The following EPB41 variants were observed in gnomAD, a reference collection of about 807,000 sequenced individuals.
The protein encoded by EPB41 is erythrocyte membrane protein band 4.1.
Under a neutral mutation model 108.0 loss-of-function variants are expected in EPB41, and 65 were observed. The observed-to-expected ratio is 0.60, with a 90% CI of 0.49 to 0.74. The LOEUF is 0.74. Ranked by LOEUF, EPB41 falls within the 30% of genes least tolerant of loss-of-function variation. The pLI is 0.00. For missense variants in EPB41, 875 were observed against 1,037.0 expected (o/e 0.84, Z 2.15); for synonymous variants, 336 against 358.9 (o/e 0.94, Z 0.72).
chr1:28,908,239 G>A (rs1227202990), intron 1 of EPB41, among the ~76,000 whole-genome samples: 2 of 151,180 alleles, frequency 1.3e-5, no homozygotes, highest in African/African-American at 4.8e-5. Flanking sequence ...CCGTCTCTAC[G>A]AAACACATGA....
At chr1:28,902,683 G>A (rs1223265509) in intron 1 of EPB41, among the ~76,000 whole-genome samples, 2 of 152,230 alleles carry the variant, frequency 1.3e-5, no homozygotes, top group Admixed American at 1.3e-4. Flanking sequence ...ACACCTTCAG[G>A]GGAGCTAGGT....
At chr1:28,892,558 C>T (rs2090235840) in intron 1 of EPB41, among the ~76,000 whole-genome samples, 2 of 151,970 alleles carry the variant, frequency 1.3e-5, no homozygotes, top group South Asian at 2.1e-4. Context: ...CCCATCTCTA[C>T]TAAAAATACA....
intron 7 of EPB41, among the ~76,000 whole-genome samples, chr1:29,023,102 C>G (rs775090875): frequency 4.0e-5 from 6 of 151,650 alleles, no homozygotes; most frequent in Non-Finnish European, 8.8e-5. Flanking sequence ...TCAAGTGATT[C>G]TCGTGCCTCA....
chr1:29,108,336 TG>T (rs1249730119), intron 17 of EPB41, among the ~76,000 whole-genome samples: 2 of 149,052 alleles, frequency 1.3e-5, no homozygotes, highest in African/African-American at 4.9e-5. Context: ...TTAGTAGAGA[TG>T]GGGTTTCTCC....
intron 2 of EPB41, chr1:28,989,425 TC>T: frequency 1.0e-6 from 1 of 977,384 alleles, no homozygotes; most frequent in Non-Finnish European, 1.2e-6. Context: ...ATTATCTGCA[TC>T]GTTAAAAGTG....
intron 1 of EPB41, among the ~76,000 whole-genome samples, chr1:28,924,965 T>A (rs12403176): frequency 0.14 from 18,116 of 134,068 alleles, 1,313 homozygotes; most frequent in East Asian, 0.38. Context: ...CCTGGCTAAC[T>A]TTTTTTTTTT....
intron 1 of EPB41, among the ~76,000 whole-genome samples, chr1:28,904,596 C>A (rs1247721158): frequency 6.6e-6 from 1 of 152,056 alleles, no homozygotes; most frequent in Non-Finnish European, 1.5e-5. Flanking sequence ...TATTAGTGCC[C>A]TTATAAGAAG....
chr1:28,937,682 C>G (rs1403089178), intron 1 of EPB41, among the ~76,000 whole-genome samples: 1 of 152,140 alleles, frequency 6.6e-6, no homozygotes, highest in African/African-American at 2.4e-5. Context: ...CGTGAGCCAC[C>G]GCGCCTGGCC....
intron 7 of EPB41, among the ~76,000 whole-genome samples, chr1:29,021,692 C>A (rs1572598555): frequency 2.0e-5 from 3 of 151,890 alleles, no homozygotes; most frequent in Admixed American, 1.3e-4. Context: ...ACATCATTCT[C>A]CTGCCTCGGC....
At chr1:28,986,954 TG>T (rs2095880861) in intron 1 of EPB41, among the ~76,000 whole-genome samples, 1 of 152,138 alleles carries the variant, frequency 6.6e-6, no homozygotes, top group South Asian at 2.1e-4. Flanking sequence ...TCCTAAGAAA[TG>T]TAAAGAAAAA....
rs1284291681 is a variant in EPB41 at position 28,887,564 on chromosome 1, C to T, written c.-8+354C>T. The T allele has an allele frequency of 1.0e-6, 1 of 985,154 alleles. No homozygotes were observed. The highest frequency in any genetic ancestry group is 1.7e-5 in the African/African-American group (1 of 57,210). 61.0% of individuals were successfully genotyped at this position (985,154 alleles called of 1,614,324 possible). On this transcript the variant is annotated intron_variant, in intron 1 of 16. Transcript: ENST00000347529. The surrounding 1 kb of genome is among the most constrained non-coding windows in gnomAD (Gnocchi z 4.9). ...AGTCCCTGCAGGTCGGCGCAGCCCC[C>T]GGCCGCCCCCTAGCCCCGCCTTGCC... is the stretch of plus-strand genomic sequence containing the variant.
At chr1:28,955,150 T>A (rs896610125) in intron 1 of EPB41, among the ~76,000 whole-genome samples, 2 of 152,338 alleles carry the variant, frequency 1.3e-5, no homozygotes, top group Middle Eastern at 3.4e-3. Flanking sequence ...TTACTAGCGT[T>A]ACCACTTGCT....
intron 4 of EPB41, among the ~76,000 whole-genome samples, chr1:29,007,570 T>C (rs1428541412): frequency 6.6e-6 from 1 of 152,204 alleles, no homozygotes; most frequent in Non-Finnish European, 1.5e-5. Flanking sequence ...GCATTTTGAT[T>C]TCTGCCCTTA....
chr1:29,081,313 A>G (rs1656513714), intron 16 of EPB41, among the ~76,000 whole-genome samples: 1 of 152,172 alleles, frequency 6.6e-6, no homozygotes, highest in South Asian at 2.1e-4. Flanking sequence ...TGGGCTTTTT[A>G]AAAGCACTGT....
At chr1:28,960,705 G>A (rs2095173746) in intron 1 of EPB41, among the ~76,000 whole-genome samples, 1 of 151,642 alleles carries the variant, frequency 6.6e-6, no homozygotes, top group African/African-American at 2.4e-5. Flanking sequence ...ACTCCAGCCT[G>A]GGCGACAGAG....
chr1:28,891,107 A>C, intron 1 of EPB41: 1 of 536,232 alleles, frequency 1.9e-6, no homozygotes, highest in South Asian at 8.0e-5. Context: ...GCTACTGCCC[A>C]GGTGCAAGAC....
At chr1:28,976,685 C>T (rs1046795521) in intron 1 of EPB41, among the ~76,000 whole-genome samples, 4 of 140,466 alleles carry the variant, frequency 2.8e-5, no homozygotes, top group South Asian at 4.9e-4. Context: ...CTTTTCTAAC[C>T]GTATCTCCCC....
At chr1:28,972,007 A>G (rs2095507301) in intron 1 of EPB41, among the ~76,000 whole-genome samples, 1 of 151,798 alleles carries the variant, frequency 6.6e-6, no homozygotes, top group Non-Finnish European at 1.5e-5. Context: ...TGATCCTCCC[A>G]CCTCAGGCTC....
At chr1:29,019,386 G>A (rs2096615116) in intron 7 of EPB41, among the ~76,000 whole-genome samples, 2 of 152,276 alleles carry the variant, frequency 1.3e-5, no homozygotes, top group East Asian at 3.9e-4. Flanking sequence ...GTAAAATACT[G>A]AATACAATGT....
Sources: gnomAD v4.1 joint callset for allele counts (sites outside exome capture counted in the v4.1 genomes callset) on GRCh38, gnomAD v4.1.1 for gene constraint, Gnocchi (gnomAD v3.1) non-coding constraint, MANE v1.5 for transcripts, NCBI Gene and HGNC (gene_info 2026-07-23, HGNC 2026-07-21) for gene names.